RWDD1: variants seen among roughly 807,000 people sequenced by gnomAD.
RWDD1 encodes the protein RWD domain containing 1.
In RWDD1, 17 loss-of-function variants were observed where a neutral mutation model predicts 31.6. The ratio of observed to expected loss-of-function variants is 0.54; its 90% CI spans 0.37 to 0.81. RWDD1 has a LOEUF of 0.81. Ranked by LOEUF, RWDD1 falls within the 30% of genes least tolerant of loss-of-function variation. RWDD1 has a pLI of 0.00. For synonymous variants in RWDD1, 78 were observed against 94.2 expected (o/e 0.83, Z 0.99); for missense variants, 204 against 274.5 (o/e 0.74, Z 1.82).
intron 6 of RWDD1, among the ~76,000 whole-genome samples, chr6:116,592,123 T>C (rs1056197329): frequency 6.6e-6 from 1 of 152,238 alleles, no homozygotes; most frequent in African/African-American, 2.4e-5. Flanking sequence ...TAAAATCCTT[T>C]GATGGTTTCC....
chr6:116,587,672 A>G (rs1033329334), intron 3 of RWDD1, among the ~76,000 whole-genome samples: 12 of 149,868 alleles, frequency 8.0e-5, no homozygotes, highest in Middle Eastern at 3.4e-3. Flanking sequence ...CTCTGTGTGT[A>G]TGTGTGTGTG....
Position 116,590,267 on chromosome 6 carries a change from C to A in RWDD1, c.415-5C>A, listed in dbSNP as rs777921185. 1.5e-5 allele frequency: 22 copies of A among 1,479,820 alleles called. No homozygotes were observed. Among genetic ancestry groups the A allele is most frequent in the Non-Finnish European group, 1.9e-5 (21 of 1,104,310 alleles). 91.7% of individuals were successfully genotyped at this position (1,479,820 alleles called of 1,614,324 possible). On this transcript the variant is annotated splice_region_variant and splice_polypyrimidine_tract_variant and intron_variant, in intron 4 of 6. Transcript: ENST00000466444. ...TCTGGTGACTTTTTTTTTTTATTTC[C>A]TAAGCAATTATTCCATGGTACTCCA...
chr6:116,590,026 A>C (rs1349390389), intron 4 of RWDD1, among the ~76,000 whole-genome samples: 1 of 152,218 alleles, frequency 6.6e-6, no homozygotes, highest in Non-Finnish European at 1.5e-5. Context: ...AAATACAGTG[A>C]ATACAATGCA....
At position 116,593,111 on chromosome 6, in the gene RWDD1, C is replaced by G. The variant is rs1200218443; in HGVS notation, c.*10C>G. The G allele has an allele frequency of 6.2e-7, 1 of 1,608,976 alleles. No individual in the cohort carries two copies. The highest frequency in any genetic ancestry group is 8.5e-7 in the Non-Finnish European group (1 of 1,178,070). On this transcript the variant is annotated 3_prime_UTR_variant, in exon 7 of 7. Coordinates refer to ENST00000466444, the MANE Select transcript of RWDD1 (RefSeq NM_015952.4). Reference sequence around the variant, plus strand: ...TGACTCAGCTGACTAATGGACTGTCCCCATCTGCAGAGAGGCTTGACTGCC... The same window carrying G: ...TGACTCAGCTGACTAATGGACTGTCGCCATCTGCAGAGAGGCTTGACTGCC...
At chr6:116,587,911 C>T (rs1775072976) in intron 3 of RWDD1, among the ~76,000 whole-genome samples, 1 of 151,854 alleles carries the variant, frequency 6.6e-6, no homozygotes, top group Non-Finnish European at 1.5e-5. Context: ...GATGTTCAGG[C>T]TGGGTGGGTG....
chr6:116,588,969 C>T lies in RWDD1; in HGVS notation c.398C>T (p.Ala133Val). Reference protein sequence around the residue: ...EEEKKQKEKEAEEAEKQLFHG... With the variant: ...EEEKKQKEKEVEEAEKQLFHG... ...GAAAAGAAACAAAAAGAAAAAGAAG[C>T]AGAAGAAGCTGAAAAGGTATATTTA... Residue 133 changes from alanine (A) to valine (V), a missense_variant, in exon 4 of 7, where the codon GCA becomes GTA. Transcript: ENST00000466444. 7.1e-7 allele frequency: 1 copy of T among 1,403,050 alleles called. No individual in the cohort carries two copies. Among genetic ancestry groups the T allele is most frequent in the Non-Finnish European group, 9.4e-7 (1 of 1,066,270 alleles). The allele number at this position is 1,403,050 out of a possible 1,614,324, so 86.9% of individuals were successfully genotyped here.
At chr6:116,585,262 G>A (rs1454306543) in intron 3 of RWDD1, among the ~76,000 whole-genome samples, 1 of 128,754 alleles carries the variant, frequency 7.8e-6, no homozygotes, top group Non-Finnish European at 1.8e-5. Flanking sequence ...CTGCAGTCTG[G>A]GAAAAGGACT....
At chr6:116,571,768 C>A in intron 1 of RWDD1, 113 bp downstream of exon 1, 1 of 821,050 alleles carries the variant, frequency 1.2e-6, no homozygotes. Flanking sequence ...CTTGAGGCCG[C>A]GCGGCCACCT....
At chr6:116,579,646 T>C (rs1466249606) in intron 1 of RWDD1, among the ~76,000 whole-genome samples, 1 of 152,224 alleles carries the variant, frequency 6.6e-6, no homozygotes, top group East Asian at 1.9e-4. Flanking sequence ...AGCTTTGTTA[T>C]TTATATAAAT....
intron 6 of RWDD1, 151 bp from the exon 7 acceptor site, chr6:116,592,829 C>T (rs1323971162): frequency 2.8e-6 from 2 of 724,496 alleles, no homozygotes; most frequent in South Asian, 2.2e-5. Flanking sequence ...CAATGCAAAT[C>T]ACTGTTGATA....
At position 116,594,067 on chromosome 6, in the gene RWDD1, T is replaced by C. The variant is rs1775200583; in HGVS notation, c.*966T>C. On this transcript the variant is annotated 3_prime_UTR_variant, in exon 7 of 7. Transcript: ENST00000466444. ...CTCATGGTAGAAGGGGAAGAGGCAC[T>C]ATGTGTGTAGAGATCACATGGCCAG... 6.6e-6 allele frequency: 1 copy of C among 152,088 alleles called. No homozygotes were observed. Among genetic ancestry groups the C allele is most frequent in the South Asian group, 2.1e-4 (1 of 4,828 alleles). 9.4% of individuals were successfully genotyped at this position (152,088 alleles called of 1,614,324 possible). A position where few individuals can be genotyped will look rare whatever the true frequency, so the allele number is the denominator to read the frequency against.
In RWDD1 at chr6:116,593,495, T is replaced by G. The variant is rs936018041; in HGVS notation, c.*394T>G. Reference sequence around the variant, plus strand: ...TGAAGTGTGAGAAAACTGAGGTGACTAGCACATTAAACCATCCAGATTCTA... The same window carrying G: ...TGAAGTGTGAGAAAACTGAGGTGACGAGCACATTAAACCATCCAGATTCTA... On this transcript the variant is annotated 3_prime_UTR_variant, in exon 7 of 7. Transcript: ENST00000466444. 1 of 154,934 alleles carries G rather than the reference T, an allele frequency of 6.5e-6. No individual in the cohort carries two copies. The highest frequency in any genetic ancestry group is 2.4e-5 in the African/African-American group (1 of 41,496). 9.6% of individuals were successfully genotyped at this position (154,934 alleles called of 1,614,324 possible).
rs547450796 is a variant in RWDD1 at position 116,575,502 on chromosome 6, A to T, written c.73+3847A>T. On this transcript the variant is annotated intron_variant, in intron 1 of 6. Coordinates refer to ENST00000466444, the MANE Select transcript of RWDD1 (RefSeq NM_015952.4). Reference sequence around the variant, plus strand: ...TGCATGGTAATGGGATTAGTCCTTTATCAGAACTTAGGAATTATCTATTTT... The same window carrying T: ...TGCATGGTAATGGGATTAGTCCTTTTTCAGAACTTAGGAATTATCTATTTT... Among the ~76,000 whole-genome samples, 3 of 152,320 alleles carry T rather than the reference A, an allele frequency of 2.0e-5. No homozygotes were observed. In the South Asian group the frequency reaches 6.2e-4, roughly 32 times the overall value.
chr6:116,593,228 T>A lies in RWDD1; in HGVS notation c.*127T>A. ...TTCAGGAGAATATTCTTCTGATAGC[T>A]TTCATCATTGAACTTAATAAACTGA... On this transcript the variant is annotated 3_prime_UTR_variant, in exon 7 of 7. Coordinates refer to ENST00000466444, the MANE Select transcript of RWDD1 (RefSeq NM_015952.4). The A allele has an allele frequency of 1.1e-6, 1 of 922,744 alleles. No individual in the cohort carries two copies. The highest frequency in any genetic ancestry group is 1.5e-6 in the Non-Finnish European group (1 of 655,436). 57.2% of individuals were successfully genotyped at this position (922,744 alleles called of 1,614,324 possible).
At chr6:116,586,425 C>A (rs965513995) in intron 3 of RWDD1, among the ~76,000 whole-genome samples, 6 of 151,650 alleles carry the variant, frequency 4.0e-5, no homozygotes, top group Non-Finnish European at 8.8e-5. Flanking sequence ...TTATAATATT[C>A]TCTTTTGCAC....
chr6:116,574,205 G>A (rs949159619), intron 1 of RWDD1: 13 of 154,972 alleles, frequency 8.4e-5, no homozygotes, highest in African/African-American at 2.9e-4. Flanking sequence ...TTTATGTATT[G>A]AAATCTCTGG....
chr6:116,587,908 AGGCT>A (rs1402879076), intron 3 of RWDD1, among the ~76,000 whole-genome samples: 1 of 152,086 alleles, frequency 6.6e-6, no homozygotes, highest in Non-Finnish European at 1.5e-5. Context: ...GGGGATGTTC[AGGCT>A]GGGTGGGTGG....
At chr6:116,589,334 A>G (rs1426309056) in intron 4 of RWDD1, among the ~76,000 whole-genome samples, 3 of 152,174 alleles carry the variant, frequency 2.0e-5, no homozygotes, top group African/African-American at 7.2e-5. Context: ...AAATACACTA[A>G]CAATAGCTGA....
rs1316287689 is a variant in RWDD1, at chr6:116,594,555, A to G, written c.*1454A>G. ...AGTCGTGAAGTCTATATATTTTGGT[A>G]TTTTCTTTACCTCTTCTCTAATTAA... On this transcript the variant is annotated 3_prime_UTR_variant, in exon 7 of 7. Coordinates refer to ENST00000466444, the MANE Select transcript of RWDD1 (RefSeq NM_015952.4). The G allele has an allele frequency of 6.6e-6, 1 of 152,098 alleles. No homozygotes were observed. The highest frequency in any genetic ancestry group is 1.5e-5 in the Non-Finnish European group (1 of 68,022). The allele number at this position is 152,098 out of a possible 1,614,324, so 9.4% of individuals were successfully genotyped here.
Sources: gnomAD v4.1 joint callset for allele counts (sites outside exome capture counted in the v4.1 genomes callset) on GRCh38, gnomAD v4.1.1 for gene constraint, MANE v1.5 for transcripts, NCBI Gene and HGNC (gene_info 2026-07-23, HGNC 2026-07-21) for gene names.